The following MRTFA variants were observed in gnomAD, a reference collection of about 807,000 sequenced individuals.
The protein encoded by MRTFA is myocardin-related transcription factor A.
A neutral mutation model predicts 83.5 loss-of-function variants in MRTFA; 20 were observed. The ratio of observed to expected loss-of-function variants is 0.24; its 90% CI spans 0.17 to 0.35. The LOEUF (loss-of-function observed/expected upper bound fraction) is 0.35, where lower values mean the gene tolerates loss of function less well. Among genes scored for constraint, MRTFA ranks in the 10% least tolerant of loss-of-function variants. The pLI, the probability that MRTFA is intolerant of heterozygous loss-of-function variation, is 1.00. For missense variants in MRTFA, 1,200 were observed against 1,224.7 expected (o/e 0.98, Z 0.30); for synonymous variants, 659 against 541.2 (o/e 1.22, Z -3.02).
intron 4 of MRTFA, among the ~76,000 whole-genome samples, chr22:40,441,126 A>G (rs2147110687): frequency 6.6e-6 from 1 of 152,366 alleles, no homozygotes; most frequent in South Asian, 2.1e-4. Flanking sequence ...TATATATTCA[A>G]TATCAGAGGG....
At chr22:40,550,088 TGATA>T (rs1331592393) in intron 3 of MRTFA, among the ~76,000 whole-genome samples, 2 of 150,602 alleles carry the variant, frequency 1.3e-5, no homozygotes, top group Non-Finnish European at 3.0e-5. Context: ...AAGATGAGAT[TGATA>T]GATATCTGTG....
chr22:40,451,940 A>AGG (rs1227032859), intron 4 of MRTFA, among the ~76,000 whole-genome samples: 6 of 151,534 alleles, frequency 4.0e-5, no homozygotes, highest in African/African-American at 1.5e-4. Context: ...CCTCCTGCAA[A>AGG]TAACATCCCA....
intron 2 of MRTFA, among the ~76,000 whole-genome samples, chr22:40,575,681 T>C (rs2055857133): frequency 6.6e-6 from 1 of 152,228 alleles, no homozygotes; most frequent in Non-Finnish European, 1.5e-5. Context: ...GCACCATTAT[T>C]TTAGTCAAAG....
chr22:40,500,567 T>C (rs1292977352), intron 3 of MRTFA, among the ~76,000 whole-genome samples: 3 of 151,996 alleles, frequency 2.0e-5, no homozygotes, highest in Admixed American at 6.6e-5. Flanking sequence ...TGTCCCTGAT[T>C]ACTTGCGATT....
chr22:40,546,022 C>A (rs1360265671), intron 3 of MRTFA, among the ~76,000 whole-genome samples: 1 of 152,252 alleles, frequency 6.6e-6, no homozygotes, highest in Admixed American at 6.5e-5. Context: ...CCGCCGTACC[C>A]GGCCACCACT....
intron 1 of MRTFA, among the ~76,000 whole-genome samples, chr22:40,596,481 A>G (rs548734757): frequency 2.4e-4 from 37 of 152,174 alleles, no homozygotes; most frequent in African/African-American, 8.2e-4. Flanking sequence ...GGAGTTCAAG[A>G]CCAGCCTGGC....
At chr22:40,620,106 T>A (rs947648184) in intron 1 of MRTFA, among the ~76,000 whole-genome samples, 1 of 149,936 alleles carries the variant, frequency 6.7e-6, no homozygotes, top group African/African-American at 2.5e-5. Flanking sequence ...TACAGACGCA[T>A]ACCACCACAC....
At chr22:40,603,602 T>A (rs2056284658) in intron 1 of MRTFA, among the ~76,000 whole-genome samples, 1 of 152,180 alleles carries the variant, frequency 6.6e-6, no homozygotes, top group Non-Finnish European at 1.5e-5. Context: ...ACGGAATTTT[T>A]GCTTCTGGTT....
intron 1 of MRTFA, among the ~76,000 whole-genome samples, chr22:40,619,656 G>A (rs1447286023): frequency 3.3e-5 from 5 of 151,982 alleles, no homozygotes; most frequent in South Asian, 2.1e-4. Context: ...TTGGGAGGCC[G>A]AGACGGGCGG....
At chr22:40,446,870 G>A (rs909537402) in intron 4 of MRTFA, among the ~76,000 whole-genome samples, 4 of 152,068 alleles carry the variant, frequency 2.6e-5, no homozygotes, top group African/African-American at 9.7e-5. Context: ...TACATGTGTC[G>A]GACCCTGTTT....
chr22:40,582,163 T>C (rs2055956774), intron 2 of MRTFA, among the ~76,000 whole-genome samples: 1 of 152,250 alleles, frequency 6.6e-6, no homozygotes, highest in Non-Finnish European at 1.5e-5. Context: ...AATGGGATCA[T>C]ACAGTATGTG....
At position 40,551,664 on chromosome 22, in the gene MRTFA, C is replaced by T. The variant is rs186873100; in HGVS notation, c.241+442G>A. On this transcript the variant is annotated intron_variant, in intron 3 of 14. Coordinates refer to ENST00000355630, the MANE Select transcript of MRTFA (RefSeq NM_020831.6). ...AATTACAGGCCTAAGTCACTACACC[C>T]GGCAAGACATTTATTTGGTTTTTGT... is the stretch of plus-strand genomic sequence containing the variant. Among the ~76,000 whole-genome samples, 135 of 152,216 alleles carry T rather than the reference C, an allele frequency of 8.9e-4. 1 individual carries two copies. The Middle Eastern group carries it at 0.02, about 23-fold the overall frequency.
At chr22:40,434,725 A>C (rs763050000) in intron 5 of MRTFA, among the ~76,000 whole-genome samples, 28 of 152,326 alleles carry the variant, frequency 1.8e-4, no homozygotes, top group Non-Finnish European at 4.0e-4. Context: ...CCGTCTCAAA[A>C]AATAAAGTAA....
chr22:40,440,740 G>A (rs999635333), intron 4 of MRTFA, among the ~76,000 whole-genome samples: 1 of 152,202 alleles, frequency 6.6e-6, no homozygotes, highest in Admixed American at 6.5e-5. Context: ...GTGAAGGGAT[G>A]TAAGAGTGCT....
Position 40,417,332 on chromosome 22 carries a change from C to A in MRTFA, c.2517+9G>T. ...CCAACACTAGCCAGGCCTAGCCCGC[C>A]TTCCTCACCTGCTGTTTGGGCTGCT... On this transcript the variant is annotated intron_variant, in intron 13 of 14. Transcript: ENST00000355630. 6.2e-7 allele frequency: 1 copy of A among 1,609,904 alleles called. No homozygotes were observed. The highest frequency in any genetic ancestry group is 8.5e-7 in the Non-Finnish European group (1 of 1,179,074).
At chr22:40,562,844 C>G (rs1460439869) in intron 2 of MRTFA, among the ~76,000 whole-genome samples, 1 of 151,952 alleles carries the variant, frequency 6.6e-6, no homozygotes, top group Non-Finnish European at 1.5e-5. Context: ...TAGTAAGATG[C>G]AGGGTAGACT....
intron 9 of MRTFA, among the ~76,000 whole-genome samples, chr22:40,422,586 G>A (rs2052864674): frequency 6.6e-6 from 1 of 152,256 alleles, no homozygotes; most frequent in African/African-American, 2.4e-5. Flanking sequence ...GCCTGAAAGA[G>A]GAGACTGACA....
At chr22:40,519,429 A>G in intron 3 of MRTFA, 1 of 1,331,636 alleles carries the variant, frequency 7.5e-7, no homozygotes, top group Non-Finnish European at 1.0e-6. Flanking sequence ...ATCAGGGTTG[A>G]GAGATGAAGG....
At chr22:40,571,432 A>G (rs2055791201) in intron 2 of MRTFA, among the ~76,000 whole-genome samples, 1 of 152,208 alleles carries the variant, frequency 6.6e-6, no homozygotes, top group Non-Finnish European at 1.5e-5. Flanking sequence ...AGGTCCAGAT[A>G]TTTCTGTCAA....
Sources: gnomAD v4.1 joint callset for allele counts (sites outside exome capture counted in the v4.1 genomes callset) on GRCh38, gnomAD v4.1.1 for gene constraint, MANE v1.5 for transcripts, NCBI Gene and HGNC (gene_info 2026-07-23, HGNC 2026-07-21) for gene names.